YPEL2: variants seen among roughly 807,000 people sequenced by gnomAD.
The protein encoded by YPEL2 is protein yippee-like 2.
Under a neutral mutation model 19.1 loss-of-function variants are expected in YPEL2, and 2 were observed. That is an observed-to-expected ratio of 0.10 (90% CI 0.04 to 0.33). The LOEUF (loss-of-function observed/expected upper bound fraction) is 0.33, where lower values mean the gene tolerates loss of function less well. YPEL2 is among the 10% of genes least tolerant of loss of function. The pLI is 1.00. For synonymous variants in YPEL2, 52 were observed against 50.0 expected, an observed-to-expected ratio of 1.04 and a Z score of -0.17; for missense variants, 66 against 140.7, an observed-to-expected ratio of 0.47 and a Z score of 2.68.
intron 1 of YPEL2, among the ~76,000 whole-genome samples, chr17:59,346,774 G>A (rs1446333880): frequency 6.6e-6 from 1 of 152,162 alleles, no homozygotes; most frequent in Non-Finnish European, 1.5e-5. Context: ...CACAGGAGAG[G>A]CCACTAAGCC....
At chr17:59,386,786 T>A (rs1436767542) in intron 2 of YPEL2, among the ~76,000 whole-genome samples, 1 of 152,192 alleles carries the variant, frequency 6.6e-6, no homozygotes, top group Non-Finnish European at 1.5e-5. Context: ...TGGAAGCTGC[T>A]ATATTCCCCA....
chr17:59,340,165 T>C (rs1196372058), intron 1 of YPEL2, among the ~76,000 whole-genome samples: 1 of 151,646 alleles, frequency 6.6e-6, no homozygotes, highest in African/African-American at 2.4e-5. Flanking sequence ...TGGAGTACAA[T>C]GGTGTGATCT....
chr17:59,393,043 T>C (rs757867897), intron 4 of YPEL2, among the ~76,000 whole-genome samples: 8 of 152,192 alleles, frequency 5.3e-5, no homozygotes, highest in Non-Finnish European at 8.8e-5. Flanking sequence ...AGAGGCAGGA[T>C]TAGTTGGTGT....
intron 1 of YPEL2, among the ~76,000 whole-genome samples, chr17:59,338,782 G>C (rs1463457481): frequency 6.6e-6 from 1 of 152,216 alleles, no homozygotes; most frequent in East Asian, 1.9e-4. Flanking sequence ...CTCCAGGAGG[G>C]AGGCTATCTC....
intron 2 of YPEL2, among the ~76,000 whole-genome samples, chr17:59,362,422 C>T (rs768814396): frequency 2.6e-5 from 4 of 152,104 alleles, no homozygotes; most frequent in Non-Finnish European, 5.9e-5. Flanking sequence ...GAGTTGCTCA[C>T]CAATTTAGTA....
chr17:59,360,023 C>T (rs2047832510), intron 2 of YPEL2, among the ~76,000 whole-genome samples: 1 of 152,362 alleles, frequency 6.6e-6, no homozygotes, highest in Non-Finnish European at 1.5e-5. Context: ...CCTCAGCCTT[C>T]TGAGTAGCTG....
At chr17:59,383,130 G>A (rs756505172) in intron 2 of YPEL2, among the ~76,000 whole-genome samples, 54 of 152,150 alleles carry the variant, frequency 3.5e-4, no homozygotes, top group Non-Finnish European at 7.4e-4. Flanking sequence ...GAGTGTGCAG[G>A]CATAGATTTT....
At chr17:59,347,788 A>G (rs2047764121) in intron 1 of YPEL2, among the ~76,000 whole-genome samples, 1 of 152,168 alleles carries the variant, frequency 6.6e-6, no homozygotes, top group Admixed American at 6.5e-5. Context: ...AAGGATCCTA[A>G]TGGAAGGGGC....
chr17:59,393,462 C>G (rs2048018544), intron 4 of YPEL2, among the ~76,000 whole-genome samples: 1 of 148,454 alleles, frequency 6.7e-6, no homozygotes, highest in Non-Finnish European at 1.5e-5. Context: ...ATAGGAAACT[C>G]ATTTTCTTTT....
In YPEL2 at chr17:59,397,172, G is replaced by A. The variant is rs141921435; in HGVS notation, c.342G>A (p.Lys114=). The change falls in exon 5 of 5, where the codon AAG becomes AAA. Residue 114 remains lysine, a synonymous_variant. Coordinates refer to ENST00000312655, the MANE Select transcript of YPEL2 (RefSeq NM_001005404.4). The part of the protein sequence containing the change: ...KYIIELAHMI[K]DNGWD ...TCATTGAACTAGCACACATGATCAA[G>A]GACAATGGCTGGGACTGATTGGACA... 1.2e-4 allele frequency: 189 copies of A among 1,611,482 alleles called. No homozygotes were observed. The African/African-American group carries it at 2.2e-3, about 19-fold the overall frequency.
At chr17:59,337,681 T>C (rs9916246) in intron 1 of YPEL2, among the ~76,000 whole-genome samples, 14 of 151,970 alleles carry the variant, frequency 9.2e-5, no homozygotes, top group Non-Finnish European at 1.5e-4. Flanking sequence ...TTAGTGACTA[T>C]GTAGGGCCCT....
At chr17:59,377,717 T>G (rs1439925719) in intron 2 of YPEL2, among the ~76,000 whole-genome samples, 1 of 152,144 alleles carries the variant, frequency 6.6e-6, no homozygotes, top group African/African-American at 2.4e-5. Flanking sequence ...AAAGCCCCAT[T>G]TGAAGCTCTT....
chr17:59,389,356 A>T lies in YPEL2; in HGVS notation c.162-4A>T. ...CCACTCTCTCTTCTTGTGCCTCGAC[A>T]TAGAGTTAATGTGGGCTGTGGGCCT... is the stretch of plus-strand genomic sequence containing the variant. On this transcript the variant is annotated splice_polypyrimidine_tract_variant and splice_region_variant and intron_variant, in intron 3 of 4. Transcript: ENST00000312655. The T allele has an allele frequency of 1.2e-6, 2 of 1,613,412 alleles. No individual in the cohort carries two copies. The highest frequency in any genetic ancestry group is 1.7e-6 in the Non-Finnish European group (2 of 1,179,520).
chr17:59,332,202 C>T (rs1006929934), intron 1 of YPEL2, among the ~76,000 whole-genome samples: 1 of 152,036 alleles, frequency 6.6e-6, no homozygotes, highest in Admixed American at 6.5e-5. Flanking sequence ...CCCATGGGTT[C>T]GGACTCCATG....
chr17:59,358,312 C>T (rs1368184918), intron 2 of YPEL2, among the ~76,000 whole-genome samples: 3 of 152,052 alleles, frequency 2.0e-5, no homozygotes, highest in Non-Finnish European at 4.4e-5. Flanking sequence ...CCCTTCCTGT[C>T]TAGAGATTAG....
At chr17:59,395,455 T>A (rs570614989) in intron 4 of YPEL2, among the ~76,000 whole-genome samples, 1 of 152,342 alleles carries the variant, frequency 6.6e-6, no homozygotes, top group Admixed American at 6.5e-5. Flanking sequence ...AGATGACCAG[T>A]GTTTTTCAGA....
intron 1 of YPEL2, among the ~76,000 whole-genome samples, chr17:59,333,176 C>T (rs1193103767): frequency 3.3e-5 from 5 of 152,238 alleles, no homozygotes; most frequent in African/African-American, 7.2e-5. Flanking sequence ...CATTTTCATT[C>T]TTCTAAACTG....
chr17:59,388,964 T>C (rs1468813375), intron 3 of YPEL2: 2 of 244,532 alleles, frequency 8.2e-6, no homozygotes, highest in Non-Finnish European at 1.6e-5. Context: ...AGGACCACAC[T>C]GTGCTATCAT....
Position 59,353,559 on chromosome 17 carries a change from C to A in YPEL2, c.117+33C>A. On this transcript the variant is annotated intron_variant, in intron 2 of 4. Transcript: ENST00000312655. The surrounding 1 kb of genome is among the most constrained non-coding windows in gnomAD (Gnocchi z 4.8). ...TTTCCAGCAGGCCTTCCTTGCCTACCCCGGGGAGGGCGCTTAGTGCTCCTG... is the reference window on the plus strand; with the variant it reads ...TTTCCAGCAGGCCTTCCTTGCCTACACCGGGGAGGGCGCTTAGTGCTCCTG... 1.3e-6 allele frequency: 2 copies of A among 1,540,332 alleles called. No homozygotes were observed. The highest frequency in any genetic ancestry group is 1.8e-6 in the Non-Finnish European group (2 of 1,113,218).
Sources: gnomAD v4.1 joint callset for allele counts (sites outside exome capture counted in the v4.1 genomes callset) on GRCh38, gnomAD v4.1.1 for gene constraint, Gnocchi (gnomAD v3.1) non-coding constraint, MANE v1.5 for transcripts, NCBI Gene and HGNC (gene_info 2026-07-23, HGNC 2026-07-21) for gene names.